NUP93: variants seen among roughly 807,000 people sequenced by gnomAD.
The protein encoded by NUP93 is nucleoporin 93.
NUP93 carries 55 observed loss-of-function variants against 107.8 expected under a neutral mutation model. The observed-to-expected ratio is 0.51, with a 90% CI of 0.41 to 0.64. NUP93 has a LOEUF of 0.64. Among genes scored for constraint, NUP93 ranks in the 30% least tolerant of loss-of-function variants. NUP93 has a pLI of 0.00. For synonymous variants in NUP93, 390 were observed against 397.5 expected, an observed-to-expected ratio of 0.98 and a Z score of 0.22; for missense variants, 937 against 1,044.7, an observed-to-expected ratio of 0.90 and a Z score of 1.42.
chr16:56,775,825 C>A (rs1421157372), intron 3 of NUP93, among the ~76,000 whole-genome samples: 3 of 152,132 alleles, frequency 2.0e-5, no homozygotes, highest in African/African-American at 4.8e-5. Flanking sequence ...ACAAGGCCAC[C>A]CCTCCCTTGC....
intron 3 of NUP93, among the ~76,000 whole-genome samples, chr16:56,768,563 C>CA (rs1395939852): frequency 2.3e-3 from 319 of 140,198 alleles, no homozygotes; most frequent in African/African-American, 3.1e-3. Flanking sequence ...AACTCTGTCT[C>CA]AAAAAAAAAA....
At chr16:56,764,278 G>T (rs1962180014) in intron 3 of NUP93, among the ~76,000 whole-genome samples, 1 of 152,106 alleles carries the variant, frequency 6.6e-6, no homozygotes, top group African/African-American at 2.4e-5. Flanking sequence ...ATCACTTGAG[G>T]TTAGAAGTTC....
Position 56,827,469 on chromosome 16 carries a change from TTATTA to T in NUP93, c.795-1507_795-1503del, listed in dbSNP as rs1567407979. 2.6e-5 allele frequency among the ~76,000 whole-genome samples: 4 copies of T among 152,328 alleles called. No individual in the cohort carries two copies. The East Asian group carries it at 7.7e-4, about 29-fold the overall frequency. The stretch of plus-strand genomic sequence containing the variant: ...TTCCATGTATTGCCCCACAGACTAC[TTATTA>T]AGTACAAAGAGAATAATAAATTGTA... On this transcript the variant is annotated intron_variant, in intron 8 of 21. Coordinates refer to ENST00000308159, the MANE Select transcript of NUP93 (RefSeq NM_014669.5).
At chr16:56,759,877 T>A (rs886137118) in intron 3 of NUP93, among the ~76,000 whole-genome samples, 1 of 152,182 alleles carries the variant, frequency 6.6e-6, no homozygotes, top group Admixed American at 6.5e-5. Context: ...AGAAATTGTT[T>A]GTTTGAAAAA....
At chr16:56,783,129 C>T (rs902272941) in intron 3 of NUP93, among the ~76,000 whole-genome samples, 2 of 152,172 alleles carry the variant, frequency 1.3e-5, no homozygotes, top group Admixed American at 6.5e-5. Context: ...GTTGTCTTCT[C>T]TTAAAAGCAA....
intron 8 of NUP93, among the ~76,000 whole-genome samples, chr16:56,827,620 G>A (rs538023772): frequency 1.3e-5 from 2 of 152,210 alleles, no homozygotes; most frequent in Non-Finnish European, 2.9e-5. Context: ...CATTAGCTAT[G>A]TAGGGCTACT....
intron 3 of NUP93, among the ~76,000 whole-genome samples, chr16:56,793,610 A>G (rs1962817810): frequency 2.0e-5 from 3 of 152,052 alleles, no homozygotes; most frequent in Non-Finnish European, 2.9e-5. Context: ...GAAAGGAAAC[A>G]CATGGGTAGG....
intron 3 of NUP93, among the ~76,000 whole-genome samples, chr16:56,784,521 T>C (rs1316455009): frequency 1.3e-5 from 2 of 152,236 alleles, no homozygotes; most frequent in Non-Finnish European, 2.9e-5. Flanking sequence ...TTATAAATCT[T>C]GATTCTTAAA....
intron 8 of NUP93, among the ~76,000 whole-genome samples, chr16:56,828,010 C>G (rs1963703290): frequency 6.6e-6 from 1 of 151,970 alleles, no homozygotes; most frequent in African/African-American, 2.4e-5. Flanking sequence ...ATCCCAGCTG[C>G]TTGGGAGGCT....
chr16:56,840,367 A>G (rs1361148303), intron 20 of NUP93, among the ~76,000 whole-genome samples: 2 of 152,150 alleles, frequency 1.3e-5, no homozygotes, highest in African/African-American at 4.8e-5. Flanking sequence ...GGAGTAAGCT[A>G]TCACCCCATA....
intron 19 of NUP93, 78 bp downstream of exon 19, chr16:56,839,147 TAAAAC>T (rs1419778872): frequency 7.2e-6 from 7 of 975,102 alleles, no homozygotes; most frequent in East Asian, 5.1e-5. Flanking sequence ...GGAATTTACT[TAAAAC>T]AAAGGAGCTG....
chr16:56,758,242 G>C (rs566324075), intron 2 of NUP93, among the ~76,000 whole-genome samples: 1 of 152,228 alleles, frequency 6.6e-6, no homozygotes, highest in African/African-American at 2.4e-5. Flanking sequence ...TCTTTACTAT[G>C]ACATGTTTGG....
intron 5 of NUP93, among the ~76,000 whole-genome samples, chr16:56,818,034 C>CA (rs2144602860): frequency 6.6e-6 from 1 of 152,310 alleles, no homozygotes; most frequent in East Asian, 1.9e-4. Flanking sequence ...TCTTTGGGGA[C>CA]AGGCTTCGCA....
Position 56,779,542 on chromosome 16 carries a change from T to C in NUP93, c.298-18934T>C, listed in dbSNP as rs545342210. Among the ~76,000 whole-genome samples, 4 of 152,292 alleles carry C rather than the reference T, an allele frequency of 2.6e-5. No homozygotes were observed. In the South Asian group the frequency reaches 6.2e-4, roughly 24 times the overall value. ...GAAGCACCTCCTTTGTAAGGTGGCT[T>C]CTTTGTAGCATTTTTGTTGTGACCT... is the stretch of plus-strand genomic sequence containing the variant. On this transcript the variant is annotated intron_variant, in intron 3 of 21. Transcript: ENST00000308159.
chr16:56,777,120 G>C (rs1469268462), intron 3 of NUP93, among the ~76,000 whole-genome samples: 2 of 152,184 alleles, frequency 1.3e-5, no homozygotes, highest in African/African-American at 4.8e-5. Flanking sequence ...AATCTGGGAG[G>C]CTGCTTAAAA....
At chr16:56,742,643 A>G (rs572479770) in intron 1 of NUP93, among the ~76,000 whole-genome samples, 76 of 152,358 alleles carry the variant, frequency 5.0e-4, no homozygotes, top group African/African-American at 1.8e-3. Flanking sequence ...TTGCCCTAGG[A>G]TACTAGAAAC....
chr16:56,813,255 C>T (rs1366446177), intron 5 of NUP93, among the ~76,000 whole-genome samples: 1 of 152,212 alleles, frequency 6.6e-6, no homozygotes, highest in African/African-American at 2.4e-5. Context: ...CTCAACATCT[C>T]TCAAATCAGG....
At chr16:56,786,261 G>A (rs1242168833) in intron 3 of NUP93, among the ~76,000 whole-genome samples, 2 of 152,302 alleles carry the variant, frequency 1.3e-5, no homozygotes, top group East Asian at 1.9e-4. Context: ...TTCTGTTGCT[G>A]GCCTTAGGGT....
chr16:56,752,905 G>T (rs1389397649), intron 2 of NUP93, among the ~76,000 whole-genome samples: 1 of 152,144 alleles, frequency 6.6e-6, no homozygotes, highest in Non-Finnish European at 1.5e-5. Context: ...ATTGTGAAAA[G>T]AACAGTCTTT....
Sources: allele counts gnomAD v4.1 joint callset (sites outside exome capture counted in the v4.1 genomes callset), GRCh38; gene constraint gnomAD v4.1.1; transcripts MANE v1.5; gene names NCBI Gene and HGNC (gene_info 2026-07-23, HGNC 2026-07-21).